IRGQ: variants seen among roughly 807,000 people sequenced by gnomAD.
The protein encoded by IRGQ is immunity-related GTPase family Q protein.
A neutral mutation model predicts 10.5 loss-of-function variants in IRGQ; 5 were observed. The observed-to-expected ratio is 0.48, with a 90% CI of 0.25 to 1.00. The LOEUF (loss-of-function observed/expected upper bound fraction) is 1.00. Among genes scored for constraint, IRGQ ranks in the 50% least tolerant of loss-of-function variants. The pLI is 0.16. For missense variants in IRGQ, 792 were observed against 877.7 expected (o/e 0.90, Z 1.23); for synonymous variants, 418 against 426.0 (o/e 0.98, Z 0.23).
Position 43,584,516 on chromosome 19 carries a change from AT to A in IRGQ, c.*7509del, listed in dbSNP as rs1600070333. On this transcript the variant is annotated 3_prime_UTR_variant, in exon 3 of 3. Transcript: ENST00000422989. ...AGTGGCAGAATTTAAGATTTTAATC[AT>A]TGGGTCATGTTGTTGGGGAGAAAGA... 1.3e-5 allele frequency: 2 copies of A among 152,276 alleles called. No individual in the cohort carries two copies. Among genetic ancestry groups the A allele is most frequent in the Non-Finnish European group, 1.5e-5 (1 of 68,048 alleles). The allele number at this position is 152,276 out of a possible 1,614,324, so 9.4% of individuals were successfully genotyped here. A position where few individuals can be genotyped will look rare whatever the true frequency, so the allele number is the denominator to read the frequency against.
At position 43,586,114 on chromosome 19, in the gene IRGQ, A is replaced by T. The variant is rs1429054942; in HGVS notation, c.*5912T>A. 2 of 152,164 alleles carry T rather than the reference A, an allele frequency of 1.3e-5. No homozygotes were observed. 9.4% of individuals were successfully genotyped at this position (152,164 alleles called of 1,614,324 possible). On this transcript the variant is annotated 3_prime_UTR_variant, in exon 3 of 3. Transcript: ENST00000422989. Reference sequence around the variant, plus strand: ...TCTCGCCCACTCACCCAAGTTTTCCATGCCTGTTCTGCTTTTGATGGCAAT... The same window carrying T: ...TCTCGCCCACTCACCCAAGTTTTCCTTGCCTGTTCTGCTTTTGATGGCAAT...
chr19:43,592,971 A>C lies in IRGQ; in HGVS notation c.927T>G (p.Thr309=). Residue 309 remains threonine (T), a synonymous_variant, in exon 3 of 3, where the codon ACT becomes ACG. Transcript: ENST00000422989. The stretch of plus-strand genomic sequence containing the variant: ...CCTGGACCTGGGCCCAGTCCTTCTC[A>C]GTGGGGGCCCCAGGGGTGACGAGGA... ...ALILVTPGAP[T]EKDWAQVQAL... 6.2e-7 allele frequency: 1 copy of C among 1,609,166 alleles called. No individual in the cohort carries two copies. Among genetic ancestry groups the C allele is most frequent in the Non-Finnish European group, 8.5e-7 (1 of 1,179,882 alleles).
rs1973050757 is a variant in IRGQ at position 43,591,251 on chromosome 19, C to T, written c.*775G>A. 6.6e-6 allele frequency: 1 copy of T among 152,262 alleles called. No individual in the cohort carries two copies. The highest frequency in any genetic ancestry group is 1.5e-5 in the Non-Finnish European group (1 of 68,072). The allele number at this position is 152,262 out of a possible 1,614,324, so 9.4% of individuals were successfully genotyped here. A position where few individuals can be genotyped will look rare whatever the true frequency, so the allele number is the denominator to read the frequency against. On this transcript the variant is annotated 3_prime_UTR_variant, in exon 3 of 3. Coordinates refer to ENST00000422989, the MANE Select transcript of IRGQ (RefSeq NM_001007561.3). ...CCACTGCTCCTTGGGGACCTGTGTG[C>T]AGGCTTTTTCTCCCAGAGAAATGTA...
rs540386974 is a variant in IRGQ at position 43,589,928 on chromosome 19, T to G, written c.*2098A>C. 1 of 152,146 alleles carries G rather than the reference T, an allele frequency of 6.6e-6. No individual in the cohort carries two copies. Among genetic ancestry groups the G allele is most frequent in the Non-Finnish European group, 1.5e-5 (1 of 68,102 alleles). The allele number at this position is 152,146 out of a possible 1,614,324, so 9.4% of individuals were successfully genotyped here. A position where few individuals can be genotyped will look rare whatever the true frequency, so the allele number is the denominator to read the frequency against. On this transcript the variant is annotated 3_prime_UTR_variant, in exon 3 of 3. Coordinates refer to ENST00000422989, the MANE Select transcript of IRGQ (RefSeq NM_001007561.3). Reference sequence around the variant, plus strand: ...TGAAGGAAAGAGAACAGCAGGTGCATGGGTCCCCAGGCAGGACTCAAGGTA... The same window carrying G: ...TGAAGGAAAGAGAACAGCAGGTGCAGGGGTCCCCAGGCAGGACTCAAGGTA...
chr19:43,594,455 T>G (rs8113279), intron 2 of IRGQ, among the ~76,000 whole-genome samples: 2,279 of 152,014 alleles, frequency 0.015, 46 homozygotes, highest in African/African-American at 0.044. Flanking sequence ...GGCAGGAGGA[T>G]CATTTGAGCC....
rs1322683118 is a variant in IRGQ, at chr19:43,586,398, T to C, written c.*5628A>G. On this transcript the variant is annotated 3_prime_UTR_variant, in exon 3 of 3. Coordinates refer to ENST00000422989, the MANE Select transcript of IRGQ (RefSeq NM_001007561.3). Reference sequence around the variant, plus strand: ...AAGTCATAACACTCAAGGGTGTCAATATATACAACTGTGTAAACACAACCA... The same window carrying C: ...AAGTCATAACACTCAAGGGTGTCAACATATACAACTGTGTAAACACAACCA... The C allele has an allele frequency of 6.6e-6, 1 of 152,160 alleles. No homozygotes were observed. The highest frequency in any genetic ancestry group is 6.5e-5 in the Admixed American group (1 of 15,280). 9.4% of individuals were successfully genotyped at this position (152,160 alleles called of 1,614,324 possible).
At position 43,593,054 on chromosome 19, in the gene IRGQ, T is replaced by TGTGGCCCAGAGGC; in HGVS notation, c.831_843dup (p.Thr282AlafsTer33). On this transcript the variant is annotated frameshift_variant, in exon 3 of 3. Transcript: ENST00000422989. LOFTEE classifies it low-confidence loss of function (END_TRUNC). The surrounding 1 kb of genome is among the most constrained non-coding windows in gnomAD (Gnocchi z 6.4). ...GCGGCCGCGGTGGTGGCAGTGCCCG[T>TGTGGCCCAGAGGC]GTGGCCCAGAGGCACGGTCCAGAGC... 6.2e-7 allele frequency: 1 copy of TGTGGCCCAGAGGC among 1,605,710 alleles called. No individual in the cohort carries two copies.
Position 43,590,694 on chromosome 19 carries a change from A to T in IRGQ, c.*1332T>A, listed in dbSNP as rs1171758332. 1 of 152,252 alleles carries T rather than the reference A, an allele frequency of 6.6e-6. No individual in the cohort carries two copies. Among genetic ancestry groups the T allele is most frequent in the Non-Finnish European group, 1.5e-5 (1 of 68,074 alleles). The allele number at this position is 152,252 out of a possible 1,614,324, so 9.4% of individuals were successfully genotyped here. A position where few individuals can be genotyped will look rare whatever the true frequency, so the allele number is the denominator to read the frequency against. On this transcript the variant is annotated 3_prime_UTR_variant, in exon 3 of 3. Coordinates refer to ENST00000422989, the MANE Select transcript of IRGQ (RefSeq NM_001007561.3). ...AAGGTGCACAAAACACCAAGGCCAT[A>T]AAGGGTTATGGTTAAATACCAGGAG...
rs897102009 is a variant in IRGQ, at chr19:43,596,103, G to A, written c.-124C>T. ...AGAGGCCAGGGAGCGGTGATTTAGA[G>A]ATGCCGGGACCCGTCCCGGTAGCTT... On this transcript the variant is annotated 5_prime_UTR_variant, in exon 1 of 3. Coordinates refer to ENST00000422989, the MANE Select transcript of IRGQ (RefSeq NM_001007561.3). The A allele has an allele frequency of 6.6e-6, 1 of 152,202 alleles. No homozygotes were observed. 9.4% of individuals were successfully genotyped at this position (152,202 alleles called of 1,614,324 possible). A position where few individuals can be genotyped will look rare whatever the true frequency, so the allele number is the denominator to read the frequency against.
In IRGQ at chr19:43,585,833, C is replaced by T. The variant is rs1009708975; in HGVS notation, c.*6193G>A. On this transcript the variant is annotated 3_prime_UTR_variant, in exon 3 of 3. Coordinates refer to ENST00000422989, the MANE Select transcript of IRGQ (RefSeq NM_001007561.3). The stretch of plus-strand genomic sequence containing the variant: ...GCCCAGTTTTTCCCAGCGGATTCCC[C>T]ACCATCCCTCCTATCCCCAGACGCT... 1 of 152,192 alleles carries T rather than the reference C, an allele frequency of 6.6e-6. No homozygotes were observed. Among genetic ancestry groups the T allele is most frequent in the African/African-American group, 2.4e-5 (1 of 41,436 alleles). 9.4% of individuals were successfully genotyped at this position (152,192 alleles called of 1,614,324 possible).
rs1417023915 is a variant in IRGQ at position 43,589,574 on chromosome 19, C to G, written c.*2452G>C. On this transcript the variant is annotated 3_prime_UTR_variant, in exon 3 of 3. Transcript: ENST00000422989. Reference sequence around the variant, plus strand: ...CCGGGGCAACAGAGCAAGACCCTGTCTCTAAAATAATAATAATAATAATAA... The same window carrying G: ...CCGGGGCAACAGAGCAAGACCCTGTGTCTAAAATAATAATAATAATAATAA... 1.3e-5 allele frequency: 2 copies of G among 152,080 alleles called. No individual in the cohort carries two copies. The highest frequency in any genetic ancestry group is 2.9e-5 in the Non-Finnish European group (2 of 68,042). 9.4% of individuals were successfully genotyped at this position (152,080 alleles called of 1,614,324 possible). A position where few individuals can be genotyped will look rare whatever the true frequency, so the allele number is the denominator to read the frequency against.
At position 43,592,498 on chromosome 19, in the gene IRGQ, GGA is replaced by G. The variant is rs757094516; in HGVS notation, c.1398_1399del (p.Pro467GlnfsTer22). ...CGCAGCCTTGGTTCGGGCAGCGCTG[GGA>G]GATGCTGGTGGCAACGCCAGCAGCA... On this transcript the variant is annotated frameshift_variant, in exon 3 of 3. Transcript: ENST00000422989. LOFTEE classifies it high-confidence loss of function. The G allele has an allele frequency of 4.9e-5, 78 of 1,594,616 alleles. No homozygotes were observed. The highest frequency in any genetic ancestry group is 6.5e-5 in the Non-Finnish European group (76 of 1,178,190).
chr19:43,589,483 G>A lies in IRGQ; in HGVS notation c.*2543C>T. Reference sequence around the variant, plus strand: ...TCCCAGCTACTCTGTAGGCGGAGGTGGGAGGATCGTTTGAGCCCAGGAGTT... The same window carrying A: ...TCCCAGCTACTCTGTAGGCGGAGGTAGGAGGATCGTTTGAGCCCAGGAGTT... On this transcript the variant is annotated 3_prime_UTR_variant, in exon 3 of 3. Transcript: ENST00000422989. The A allele has an allele frequency of 6.6e-6, 1 of 152,156 alleles. No individual in the cohort carries two copies. The highest frequency in any genetic ancestry group is 1.9e-4 in the East Asian group (1 of 5,188). The allele number at this position is 152,156 out of a possible 1,614,324, so 9.4% of individuals were successfully genotyped here.
Position 43,594,966 on chromosome 19 carries a change from C to T in IRGQ, c.373G>A (p.Ala125Thr), listed in dbSNP as rs529378941. ...GCTGCTGTCTGATCACGGGCCTGGGCGGCAGTCTGTGAATCCCCAGGACGG... is the reference window on the plus strand; with the variant it reads ...GCTGCTGTCTGATCACGGGCCTGGGTGGCAGTCTGTGAATCCCCAGGACGG... ...NLRPGDSQTAAQARDQTAALL... is the reference protein window; with the variant it reads ...NLRPGDSQTATQARDQTAALL... The change falls in exon 2 of 3, where the codon GCC becomes ACC. Residue 125 changes from alanine to threonine, a missense_variant. By Grantham distance (58) the Ala-to-Thr change is moderately conservative. Coordinates refer to ENST00000422989, the MANE Select transcript of IRGQ (RefSeq NM_001007561.3). 1 of 1,614,030 alleles carries T rather than the reference C, an allele frequency of 6.2e-7. No homozygotes were observed. Among genetic ancestry groups the T allele is most frequent in the African/African-American group, 1.3e-5 (1 of 75,060 alleles).
In IRGQ at chr19:43,592,948, T is replaced by C; in HGVS notation, c.950A>G (p.Gln317Arg). 2 of 1,610,344 alleles carry C rather than the reference T, an allele frequency of 1.2e-6. No individual in the cohort carries two copies. Among genetic ancestry groups the C allele is most frequent in the Non-Finnish European group, 1.7e-6 (2 of 1,179,998 alleles). The change falls in exon 3 of 3, where the codon CAG (glutamine) becomes CGG (arginine). Residue 317 changes from glutamine (Q) to arginine (R), a missense_variant. Transcript: ENST00000422989. ...AGGCGCATCTGGTAGCAGCAAGGCCTGGACCTGGGCCCAGTCCTTCTCAGT... is the reference window on the plus strand; with the variant it reads ...AGGCGCATCTGGTAGCAGCAAGGCCCGGACCTGGGCCCAGTCCTTCTCAGT... The part of the protein sequence containing the change: ...APTEKDWAQV[Q>R]ALLLPDAPLV...
At position 43,593,727 on chromosome 19, in the gene IRGQ, G is replaced by T. The variant is rs142218523; in HGVS notation, c.531-360C>A. Among the ~76,000 whole-genome samples, 7 of 152,234 alleles carry T rather than the reference G, an allele frequency of 4.6e-5. No homozygotes were observed. In the East Asian group the frequency reaches 1.2e-3, roughly 25 times the overall value. On this transcript the variant is annotated intron_variant, in intron 2 of 2. Transcript: ENST00000422989. The surrounding 1 kb of genome is among the most constrained non-coding windows in gnomAD (Gnocchi z 6.4). ...GTGGGACAAAGCTCACAGAGGGTGG[G>T]GCCTAGAACAAAGAATCGCAACTGT...
Position 43,593,200 on chromosome 19 carries a change from G to A in IRGQ, c.698C>T (p.Ala233Val). 6.4e-7 allele frequency: 1 copy of A among 1,571,706 alleles called. No homozygotes were observed. The highest frequency in any genetic ancestry group is 8.6e-7 in the Non-Finnish European group (1 of 1,156,208). The change falls in exon 3 of 3, where the codon GCT becomes GTT. Residue 233 changes from alanine to valine, a missense_variant. Transcript: ENST00000422989. This position sits in a 1 kb window ranked among gnomAD's most constrained non-coding sequence, Gnocchi z 6.4. ...CATGTCCACCACAAGGCCCACGTCA[G>A]CCTTGCCAGCCACGGCCAGGTCTAG... ...ARLDLAVAGK[A>V]DVGLVVDMLL...
At position 43,590,142 on chromosome 19, in the gene IRGQ, T is replaced by G. The variant is rs1973038912; in HGVS notation, c.*1884A>C. 6.6e-6 allele frequency: 1 copy of G among 151,926 alleles called. No homozygotes were observed. Among genetic ancestry groups the G allele is most frequent in the African/African-American group, 2.4e-5 (1 of 41,308 alleles). The allele number at this position is 151,926 out of a possible 1,614,324, so 9.4% of individuals were successfully genotyped here. A position where few individuals can be genotyped will look rare whatever the true frequency, so the allele number is the denominator to read the frequency against. On this transcript the variant is annotated 3_prime_UTR_variant, in exon 3 of 3. Coordinates refer to ENST00000422989, the MANE Select transcript of IRGQ (RefSeq NM_001007561.3). Reference sequence around the variant, plus strand: ...GGTGTGGTGGCACATGCCTGTCATCTCAGCTACAGTCATCACATCCCTGTA... The same window carrying G: ...GGTGTGGTGGCACATGCCTGTCATCGCAGCTACAGTCATCACATCCCTGTA...
At position 43,593,263 on chromosome 19, in the gene IRGQ, C is replaced by T; in HGVS notation, c.635G>A (p.Trp212Ter). 1 of 1,597,908 alleles carries T rather than the reference C, an allele frequency of 6.3e-7. No homozygotes were observed. The highest frequency in any genetic ancestry group is 8.5e-7 in the Non-Finnish European group (1 of 1,171,356). Residue 212 changes from tryptophan (W) to a stop codon, truncating the protein, a stop_gained, in exon 3 of 3, where the codon TGG (tryptophan) becomes TAG (stop). Transcript: ENST00000422989. LOFTEE classifies it low-confidence loss of function (END_TRUNC). This position sits in a 1 kb window ranked among gnomAD's most constrained non-coding sequence, Gnocchi z 6.4. ...CAGGCGCTCCAGGCCTGAGCGCACCCACGACAGCGCAGCCTCAAGGCCGCC... is the reference window on the plus strand; with the variant it reads ...CAGGCGCTCCAGGCCTGAGCGCACCTACGACAGCGCAGCCTCAAGGCCGCC... ...ETGGLEAALS[W>*]VRSGLERLGS...
Sources: allele counts gnomAD v4.1 joint callset (sites outside exome capture counted in the v4.1 genomes callset), GRCh38; gene constraint gnomAD v4.1.1; non-coding constraint Gnocchi (gnomAD v3.1); transcripts MANE v1.5; gene names NCBI Gene and HGNC (gene_info 2026-07-23, HGNC 2026-07-21).